The following SUMO3 variants were observed in gnomAD, a reference collection of about 807,000 sequenced individuals.
The protein encoded by SUMO3 is small ubiquitin-related modifier 3.
Under a neutral mutation model 11.1 loss-of-function variants are expected in SUMO3, and 2 were observed. The observed-to-expected ratio is 0.18, with a 90% CI of 0.07 to 0.57. SUMO3 has a LOEUF of 0.57. Ranked by LOEUF, SUMO3 falls within the 20% of genes least tolerant of loss-of-function variation. The pLI, the probability that SUMO3 is intolerant of heterozygous loss-of-function variation, is 0.92. For synonymous variants in SUMO3, 56 were observed against 53.5 expected, an observed-to-expected ratio of 1.05 and a Z score of -0.20; for missense variants, 70 against 132.8, an observed-to-expected ratio of 0.53 and a Z score of 2.32.
At chr21:44,814,392 C>A (rs2083231852) in intron 1 of SUMO3, among the ~76,000 whole-genome samples, 3 of 152,194 alleles carry the variant, frequency 2.0e-5, no homozygotes, top group Admixed American at 6.5e-5. Flanking sequence ...AAGAGAAAAT[C>A]CATCTTTATT....
intron 2 of SUMO3, 50 bp from the exon 3 acceptor site, chr21:44,809,168 G>C: frequency 6.3e-7 from 1 of 1,581,854 alleles, no homozygotes; most frequent in East Asian, 2.2e-5. Flanking sequence ...GCCCTGGAAA[G>C]GAAAAGCAGT....
At chr21:44,809,571 C>T (rs895222731) in intron 2 of SUMO3, among the ~76,000 whole-genome samples, 1 of 152,240 alleles carries the variant, frequency 6.6e-6, no homozygotes, top group Admixed American at 6.5e-5. Flanking sequence ...ACACAAGAGA[C>T]GTCCTAGACT....
intron 1 of SUMO3, among the ~76,000 whole-genome samples, chr21:44,815,187 C>T (rs1313179821): frequency 6.6e-6 from 1 of 152,266 alleles, no homozygotes; most frequent in Non-Finnish European, 1.5e-5. Context: ...AGAGGGACAA[C>T]TGTCCCAGCG....
Position 44,811,873 on chromosome 21 carries a change from T to C in SUMO3, c.150+2103A>G, listed in dbSNP as rs2146423203. ...TATCAGAGAACTAACATAAGGCATA[T>C]TTCCTGAATAAAAATAAACGTCCAG... is the stretch of plus-strand genomic sequence containing the variant. On this transcript the variant is annotated intron_variant, in intron 2 of 3. Transcript: ENST00000332859. This position sits in a 1 kb window ranked among gnomAD's most constrained non-coding sequence, Gnocchi z 5.0. 6.6e-6 allele frequency among the ~76,000 whole-genome samples: 1 copy of C among 152,146 alleles called. No individual in the cohort carries two copies. The highest frequency in any genetic ancestry group is 2.1e-4 in the South Asian group (1 of 4,810).
At chr21:44,813,800 A>T in intron 2 of SUMO3, 176 bp downstream of exon 2, 1 of 1,506,490 alleles carries the variant, frequency 6.6e-7, no homozygotes, top group Admixed American at 2.0e-5. Flanking sequence ...CATGGGGGAC[A>T]AGCCCAGCCT....
intron 1 of SUMO3, 122 bp downstream of exon 1, chr21:44,817,826 G>A (rs1222284266): frequency 1.3e-5 from 2 of 155,284 alleles, no homozygotes; most frequent in Non-Finnish European, 2.8e-5. Flanking sequence ...GGCTCTAGAG[G>A]GCGGGGAGGG....
At chr21:44,813,591 G>A (rs971911655) in intron 2 of SUMO3, 5 of 277,372 alleles carry the variant, frequency 1.8e-5, no homozygotes, top group Non-Finnish European at 3.5e-5. Context: ...AGGACAGGGT[G>A]ACAGCGGCGT....
At chr21:44,812,320 TCCTCCCACATCAG>T (rs1033700099) in intron 2 of SUMO3, among the ~76,000 whole-genome samples, 1 of 151,968 alleles carries the variant, frequency 6.6e-6, no homozygotes, top group African/African-American at 2.4e-5. Flanking sequence ...CCTCAAGTGA[TCCTCCCACATCAG>T]CCTCCCAAAG....
chr21:44,811,228 C>T lies in SUMO3; in HGVS notation c.151-2110G>A, dbSNP rs1395373350. Among the ~76,000 whole-genome samples the T allele has an allele frequency of 4.6e-5, 7 of 151,952 alleles. No homozygotes were observed. The highest frequency in any genetic ancestry group is 4.3e-4 in the South Asian group (2 of 4,692). On this transcript the variant is annotated intron_variant, in intron 2 of 3. Coordinates refer to ENST00000332859, the MANE Select transcript of SUMO3 (RefSeq NM_006936.3). The surrounding 1 kb of genome is among the most constrained non-coding windows in gnomAD (Gnocchi z 5.0). ...TACACACCACACACACCTACACTCACGATTCAAATTCTATGGGAAGTAAAA... is the reference window on the plus strand; with the variant it reads ...TACACACCACACACACCTACACTCATGATTCAAATTCTATGGGAAGTAAAA...
Position 44,810,672 on chromosome 21 carries a change from G to A in SUMO3, c.151-1554C>T, listed in dbSNP as rs568054405. ...AACTCTCAAACTGTAGCATCTGGGC[G>A]CCTCCAGAACCTGCAATCCAGACAG... On this transcript the variant is annotated intron_variant, in intron 2 of 3. Transcript: ENST00000332859. This position sits in a 1 kb window ranked among gnomAD's most constrained non-coding sequence, Gnocchi z 4.1. 8.5e-5 allele frequency among the ~76,000 whole-genome samples: 13 copies of A among 152,266 alleles called. No homozygotes were observed. Among genetic ancestry groups the A allele is most frequent in the Admixed American group, 4.6e-4 (7 of 15,300 alleles).
At chr21:44,817,234 G>A (rs528952810) in intron 1 of SUMO3, among the ~76,000 whole-genome samples, 1 of 150,078 alleles carries the variant, frequency 6.7e-6, no homozygotes, top group South Asian at 2.1e-4. Flanking sequence ...ACCGGGGGAC[G>A]CGATGGAGGC....
intron 2 of SUMO3, chr21:44,813,611 G>A (rs1397110781): frequency 2.1e-5 from 12 of 568,940 alleles, no homozygotes; most frequent in Middle Eastern, 4.6e-4. Context: ...TGGGGCACAC[G>A]CCACCTGCAG....
At chr21:44,817,925 G>A (rs1262319702) in intron 1 of SUMO3, 23 bp downstream of exon 1, 2 of 1,165,424 alleles carry the variant, frequency 1.7e-6, no homozygotes, top group Non-Finnish European at 2.1e-6. Context: ...AGACGCGCGT[G>A]CAGGCGGGGT....
rs1262912533 is a variant in SUMO3 at position 44,807,835 on chromosome 21, C to T, written c.223-795G>A. ...TGTCCACAGCCAGCCCCCTGACCCC[C>T]AGTCAAGCCCCAGAGACTCCACGAG... On this transcript the variant is annotated intron_variant, in intron 3 of 3. Transcript: ENST00000332859. The surrounding 1 kb of genome is among the most constrained non-coding windows in gnomAD (Gnocchi z 4.3). 1.3e-5 allele frequency among the ~76,000 whole-genome samples: 2 copies of T among 152,196 alleles called. No individual in the cohort carries two copies. The highest frequency in any genetic ancestry group is 1.3e-4 in the Admixed American group (2 of 15,284).
At chr21:44,816,587 T>C (rs2083244705) in intron 1 of SUMO3, among the ~76,000 whole-genome samples, 1 of 152,166 alleles carries the variant, frequency 6.6e-6, no homozygotes, top group Admixed American at 6.5e-5. Context: ...CTAGTCATCT[T>C]CCACTGGGAT....
chr21:44,810,088 G>C lies in SUMO3; in HGVS notation c.151-970C>G, dbSNP rs1026345057. ...AGGAAGGAGAGCACGCAGCCTTTCTGCGTCCTGAGGGAATGGAGAAATGTG... is the reference window on the plus strand; with the variant it reads ...AGGAAGGAGAGCACGCAGCCTTTCTCCGTCCTGAGGGAATGGAGAAATGTG... On this transcript the variant is annotated intron_variant, in intron 2 of 3. Transcript: ENST00000332859. This position sits in a 1 kb window ranked among gnomAD's most constrained non-coding sequence, Gnocchi z 4.1. Among the ~76,000 whole-genome samples the C allele has an allele frequency of 6.6e-6, 1 of 152,230 alleles. No individual in the cohort carries two copies. Among genetic ancestry groups the C allele is most frequent in the African/African-American group, 2.4e-5 (1 of 41,454 alleles).
intron 2 of SUMO3, among the ~76,000 whole-genome samples, chr21:44,812,408 T>G (rs1247941155): frequency 6.6e-6 from 1 of 152,070 alleles, no homozygotes; most frequent in Non-Finnish European, 1.5e-5. Context: ...TTGGGAGCTA[T>G]TCTCATGGCT....
Position 44,806,702 on chromosome 21 carries a change from A to G in SUMO3, c.*249T>C, listed in dbSNP as rs2083179532. The G allele has an allele frequency of 4.1e-6, 4 of 987,510 alleles. No individual in the cohort carries two copies. The highest frequency in any genetic ancestry group is 3.2e-5 in the East Asian group (1 of 31,200). 61.2% of individuals were successfully genotyped at this position (987,510 alleles called of 1,614,324 possible). A position where few individuals can be genotyped will look rare whatever the true frequency, so the allele number is the denominator to read the frequency against. ...GGGGGAAAACACAAATGAGCACACA[A>G]AAGTACCCACAATATCTTGCAACTC... On this transcript the variant is annotated 3_prime_UTR_variant, in exon 4 of 4. Transcript: ENST00000332859.
At position 44,807,013 on chromosome 21, in the gene SUMO3, C is replaced by T; in HGVS notation, c.250G>A (p.Asp84Asn). 6 of 1,613,998 alleles carry T rather than the reference C, an allele frequency of 3.7e-6. No individual in the cohort carries two copies. The highest frequency in any genetic ancestry group is 5.1e-6 in the Non-Finnish European group (6 of 1,180,022). The change falls in exon 4 of 4, where the codon GAC (aspartate) becomes AAC (asparagine). Residue 84 changes from aspartate to asparagine, a missense_variant. Transcript: ENST00000332859. This position sits in a 1 kb window ranked among gnomAD's most constrained non-coding sequence, Gnocchi z 4.3. ...QLEMEDEDTIDVFQQQTGGVP... is the reference protein window; with the variant it reads ...QLEMEDEDTINVFQQQTGGVP... ...CCTCCCGTCTGCTGCTGGAACACGTCGATGGTGTCCTCGTCCTCCATCTCC... is the reference window on the plus strand; with the variant it reads ...CCTCCCGTCTGCTGCTGGAACACGTTGATGGTGTCCTCGTCCTCCATCTCC...
Sources: gnomAD v4.1 joint callset for allele counts (sites outside exome capture counted in the v4.1 genomes callset) on GRCh38, gnomAD v4.1.1 for gene constraint, Gnocchi (gnomAD v3.1) non-coding constraint, MANE v1.5 for transcripts, NCBI Gene and HGNC (gene_info 2026-07-23, HGNC 2026-07-21) for gene names.